Variants in DCAKD observed in about 807,000 individuals in gnomAD.
DCAKD encodes the protein dephospho-CoA kinase domain-containing protein.
Under a neutral mutation model 18.7 loss-of-function variants are expected in DCAKD, and 15 were observed. The ratio of observed to expected loss-of-function variants is 0.80; its 90% CI spans 0.54 to 1.24. The LOEUF (loss-of-function observed/expected upper bound fraction) is 1.24. Ranked by LOEUF, DCAKD falls within the 50% of genes most tolerant of loss-of-function variation. DCAKD has a pLI of 0.00. For synonymous variants in DCAKD, 130 were observed against 133.0 expected (o/e 0.98, Z 0.16); for missense variants, 301 against 322.0 (o/e 0.93, Z 0.50).
intron 1 of DCAKD, among the ~76,000 whole-genome samples, chr17:45,044,242 G>A (rs2053510367): frequency 1.3e-5 from 2 of 152,024 alleles, no homozygotes; most frequent in South Asian, 4.1e-4. Context: ...CCTCAGGCCT[G>A]TGCCCCAATG....
intron 1 of DCAKD, among the ~76,000 whole-genome samples, chr17:45,057,865 G>C (rs1429206250): frequency 6.6e-6 from 1 of 151,198 alleles, no homozygotes; most frequent in Non-Finnish European, 1.5e-5. Flanking sequence ...ACAAAAATTA[G>C]CTGGGCGTGG....
chr17:45,047,703 G>C lies in DCAKD; in HGVS notation c.-115+3658C>G, dbSNP rs7215822. On this transcript the variant is annotated intron_variant, in intron 1 of 4. Transcript: ENST00000651974. ...TATCTTTAGTACAGACGGGGTTTCG[G>C]CATGTTGGTCAGGCTGGTCTTGAAC... Among the ~76,000 whole-genome samples the C allele has an allele frequency of 1.7e-3, 254 of 151,976 alleles. 2 individuals carry two copies. Among genetic ancestry groups the C allele is most frequent in the African/African-American group, 5.8e-3 (240 of 41,392 alleles).
At chr17:45,049,532 T>A (rs2053643226) in intron 1 of DCAKD, among the ~76,000 whole-genome samples, 1 of 150,442 alleles carries the variant, frequency 6.6e-6, no homozygotes, top group South Asian at 2.1e-4. Context: ...AATCAAATGG[T>A]GTATATTTAG....
intron 1 of DCAKD, among the ~76,000 whole-genome samples, chr17:45,036,328 A>G (rs994144634): frequency 1.6e-4 from 25 of 152,186 alleles, no homozygotes; most frequent in Admixed American, 3.3e-4. Flanking sequence ...CATCCTGGCT[A>G]ACATGGTAAA....
Position 45,035,018 on chromosome 17 carries a change from C to A in DCAKD, c.-114-19G>T. The stretch of plus-strand genomic sequence containing the variant: ...GAAGGACCTGCTTGGGAGAGGCCAG[C>A]GGGACTGATCAGTTTGGGCCAAAAT... On this transcript the variant is annotated intron_variant, in intron 1 of 4. Transcript: ENST00000651974. 1 of 841,686 alleles carries A rather than the reference C, an allele frequency of 1.2e-6. No individual in the cohort carries two copies. The highest frequency in any genetic ancestry group is 1.9e-6 in the Non-Finnish European group (1 of 525,584). 52.1% of individuals were successfully genotyped at this position (841,686 alleles called of 1,614,324 possible). A position where few individuals can be genotyped will look rare whatever the true frequency, so the allele number is the denominator to read the frequency against.
chr17:45,039,230 C>A (rs1597963264), intron 1 of DCAKD, among the ~76,000 whole-genome samples: 1 of 152,192 alleles, frequency 6.6e-6, no homozygotes, highest in Non-Finnish European at 1.5e-5. Context: ...CACACCTAGA[C>A]CTGCCAGCAG....
chr17:45,053,284 G>C (rs1397160847), upstream of DCAKD, among the ~76,000 whole-genome samples: 1 of 145,978 alleles, frequency 6.9e-6, no homozygotes, highest in African/African-American at 2.6e-5. Flanking sequence ...TTGAGACAGA[G>C]TTTCGCTCTA....
intron 1 of DCAKD, chr17:45,060,867 G>A: frequency 4.1e-6 from 1 of 245,568 alleles, no homozygotes. Context: ...GCACCCGCGG[G>A]CCTCAGGCCC....
chr17:45,025,744 CTTTTTT>C (rs66731834), intron 4 of DCAKD, among the ~76,000 whole-genome samples: 24,646 of 104,094 alleles, frequency 0.24, 2,642 homozygotes, highest in East Asian at 0.35. Context: ...TTGGTTCCTT[CTTTTTT>C]TTTTTTTTTT....
chr17:45,060,369 A>T (rs2053836267), intron 1 of DCAKD, among the ~76,000 whole-genome samples: 1 of 151,984 alleles, frequency 6.6e-6, no homozygotes, highest in South Asian at 2.1e-4. Flanking sequence ...TACAAAAAAT[A>T]TATAAATTAT....
At chr17:45,052,157 A>AG, upstream of DCAKD, among the ~76,000 whole-genome samples, 2 of 151,970 alleles carry the variant, frequency 1.3e-5, no homozygotes, top group Admixed American at 1.3e-4. Context: ...CACGGCACAG[A>AG]GGTCCCCCGC....
chr17:45,054,499 C>T (rs935155803), upstream of DCAKD, among the ~76,000 whole-genome samples: 4 of 152,124 alleles, frequency 2.6e-5, no homozygotes, highest in Admixed American at 6.5e-5. Flanking sequence ...CTGCCTGCCT[C>T]AGCCTCCCAA....
chr17:45,053,315 T>C (rs1418729743), upstream of DCAKD, among the ~76,000 whole-genome samples: 1 of 149,978 alleles, frequency 6.7e-6, no homozygotes, highest in Non-Finnish European at 1.5e-5. Context: ...TGGGGTGCAG[T>C]GGCAGGATCT....
intron 4 of DCAKD, among the ~76,000 whole-genome samples, chr17:45,028,707 G>A (rs1332927921): frequency 6.7e-6 from 1 of 148,536 alleles, no homozygotes; most frequent in Non-Finnish European, 1.5e-5. Flanking sequence ...ACTGCACCCA[G>A]CCTTTTTTTT....
chr17:45,061,123 G>A (rs2053846931), upstream of DCAKD: 2 of 1,351,488 alleles, frequency 1.5e-6, no homozygotes, highest in East Asian at 2.9e-5. Context: ...TAGGCTTCCG[G>A]GTATCAGTGG....
chr17:45,041,529 C>G (rs956367570), intron 1 of DCAKD, among the ~76,000 whole-genome samples: 5 of 152,024 alleles, frequency 3.3e-5, no homozygotes, highest in Non-Finnish European at 7.4e-5. Context: ...CCAGGATGGT[C>G]TCAATCTCCT....
intron 3 of DCAKD, among the ~76,000 whole-genome samples, chr17:45,032,946 T>C (rs979029376): frequency 8.5e-5 from 13 of 152,192 alleles, no homozygotes; most frequent in African/African-American, 2.9e-4. Flanking sequence ...GGCCAGCCTC[T>C]TGCCAGATCC....
At chr17:45,034,727 G>T (rs558312250) in intron 2 of DCAKD, 47 bp downstream of exon 2, 12 of 1,582,842 alleles carry the variant, frequency 7.6e-6, no homozygotes, top group South Asian at 1.1e-5. Context: ...GGCCGGAAGC[G>T]TGGGGAGCTG....
At chr17:45,029,828 C>T (rs555323920) in intron 4 of DCAKD, among the ~76,000 whole-genome samples, 1 of 152,240 alleles carries the variant, frequency 6.6e-6, no homozygotes, top group Non-Finnish European at 1.5e-5. Flanking sequence ...GGCCAGGCAT[C>T]TGGGCTGAAG....
Sources: allele counts gnomAD v4.1 joint callset (sites outside exome capture counted in the v4.1 genomes callset), GRCh38; gene constraint gnomAD v4.1.1; transcripts MANE v1.5; gene names NCBI Gene and HGNC (gene_info 2026-07-23, HGNC 2026-07-21).